The following ZNF138 variants were observed in gnomAD, a reference collection of about 807,000 sequenced individuals.
The protein encoded by ZNF138 is zinc finger protein 138 (clone pHZ-32).
In ZNF138, 33 loss-of-function variants were observed where a neutral mutation model predicts 33.0. The observed-to-expected ratio is 1.00, with a 90% CI of 0.76 to 1.34. The LOEUF is 1.34. Ranked by LOEUF, ZNF138 falls within the 40% of genes most tolerant of loss-of-function variation. The pLI is 0.00. For missense variants in ZNF138, 360 were observed against 370.8 expected, an observed-to-expected ratio of 0.97 and a Z score of 0.24; for synonymous variants, 139 against 120.4, an observed-to-expected ratio of 1.15 and a Z score of -1.01.
At chr7:64,828,949 A>G (rs2129014449) in intron 3 of ZNF138, among the ~76,000 whole-genome samples, 1 of 152,252 alleles carries the variant, frequency 6.6e-6, no homozygotes, top group East Asian at 1.9e-4. Flanking sequence ...AACACTTATT[A>G]TTTCAACCTT....
chr7:64,843,680 G>A, the ZNF138 span, among the ~76,000 whole-genome samples: 3 of 120,740 alleles, frequency 2.5e-5, no homozygotes, highest in Non-Finnish European at 5.3e-5. Flanking sequence ...CTTGTCACAT[G>A]AATGATTTGC....
intron 1 of ZNF138, among the ~76,000 whole-genome samples, chr7:64,810,066 C>CA (rs1321480533): frequency 1.2e-5 from 1 of 80,518 alleles, no homozygotes; most frequent in African/African-American, 4.8e-5. Flanking sequence ...GGCGGCCGGG[C>CA]AGAGGCTGCA....
At chr7:64,794,883 G>A (rs1000858292) in intron 1 of ZNF138, among the ~76,000 whole-genome samples, 6 of 152,144 alleles carry the variant, frequency 3.9e-5, no homozygotes, top group Non-Finnish European at 7.4e-5. Flanking sequence ...ATCCTGACTC[G>A]GGGTGCTGGG....
intron 3 of ZNF138, among the ~76,000 whole-genome samples, chr7:64,824,193 A>G (rs148972261): frequency 5.9e-5 from 9 of 152,290 alleles, no homozygotes; most frequent in African/African-American, 1.7e-4. Flanking sequence ...GAATGGCGTG[A>G]CACCATCCTC....
intron 3 of ZNF138, among the ~76,000 whole-genome samples, chr7:64,825,386 A>C (rs1470537543): frequency 1.3e-5 from 2 of 150,950 alleles, no homozygotes; most frequent in South Asian, 4.2e-4. Context: ...GTTAGCCAGG[A>C]TGGTCTGGAT....
At chr7:64,801,108 A>C (rs761630859) in intron 1 of ZNF138, among the ~76,000 whole-genome samples, 1 of 151,950 alleles carries the variant, frequency 6.6e-6, no homozygotes, top group Non-Finnish European at 1.5e-5. Context: ...TAATTTTTTT[A>C]ATAGATTTAA....
chr7:64,801,530 T>C (rs1284202932), intron 1 of ZNF138, among the ~76,000 whole-genome samples: 1 of 152,176 alleles, frequency 6.6e-6, no homozygotes, highest in Non-Finnish European at 1.5e-5. Flanking sequence ...AGTATGTGGT[T>C]GGTATAATTT....
chr7:64,844,950 G>C, the ZNF138 span, among the ~76,000 whole-genome samples: 55,182 of 152,168 alleles, frequency 0.36, 10,837 homozygotes, highest in South Asian at 0.47. Flanking sequence ...CTCCCAAAGT[G>C]TTGGGATTAC....
At chr7:64,825,745 G>A (rs1366279740) in intron 3 of ZNF138, among the ~76,000 whole-genome samples, 1 of 149,904 alleles carries the variant, frequency 6.7e-6, no homozygotes, top group Non-Finnish European at 1.5e-5. Flanking sequence ...TCACTATGTT[G>A]GCCAGATGGT....
At chr7:64,834,974 C>T (rs1002318874), downstream of ZNF138, among the ~76,000 whole-genome samples, 5 of 152,170 alleles carry the variant, frequency 3.3e-5, no homozygotes, top group South Asian at 2.1e-4. Flanking sequence ...ATTGAGCTCT[C>T]GGGCGAGGTT....
the ZNF138 span, among the ~76,000 whole-genome samples, chr7:64,847,914 G>C: frequency 2.0e-5 from 3 of 151,000 alleles, no homozygotes; most frequent in African/African-American, 7.3e-5. Flanking sequence ...CCTGTATACT[G>C]TTTTTTTTTA....
At chr7:64,858,475 G>A in the ZNF138 span, among the ~76,000 whole-genome samples, 1 of 152,180 alleles carries the variant, frequency 6.6e-6, no homozygotes, top group Admixed American at 6.5e-5. Flanking sequence ...ATTTTGCTAA[G>A]CCTCTGAAAT....
intron 3 of ZNF138, among the ~76,000 whole-genome samples, chr7:64,816,281 A>G (rs1788629369): frequency 6.6e-6 from 1 of 152,118 alleles, no homozygotes; most frequent in Non-Finnish European, 1.5e-5. Context: ...GAATTTGTAG[A>G]TCACTTTGGA....
the ZNF138 span, chr7:64,852,679 C>T: frequency 1.5e-6 from 2 of 1,327,718 alleles, no homozygotes; most frequent in Non-Finnish European, 2.2e-6. Flanking sequence ...CTTGGGTGAC[C>T]ACTAGTTTAA....
downstream of ZNF138, among the ~76,000 whole-genome samples, chr7:64,837,241 G>A (rs1304347050): frequency 1.3e-5 from 2 of 152,160 alleles, no homozygotes; most frequent in East Asian, 1.9e-4. Context: ...GGGAAGGCCT[G>A]TAAGTTTAGC....
At chr7:64,816,129 AT>A (rs1190575353) in intron 3 of ZNF138, among the ~76,000 whole-genome samples, 26 of 150,578 alleles carry the variant, frequency 1.7e-4, no homozygotes, top group Non-Finnish European at 3.0e-5. Context: ...AAATTATGAA[AT>A]ATGATGTCCC....
the ZNF138 span, among the ~76,000 whole-genome samples, chr7:64,844,964 C>T: frequency 2.0e-5 from 3 of 152,324 alleles, no homozygotes; most frequent in East Asian, 1.9e-4. Context: ...GGATTACAGG[C>T]GTGAGCCACC....
At chr7:64,804,431 C>T (rs1210905823) in intron 1 of ZNF138, among the ~76,000 whole-genome samples, 1 of 152,128 alleles carries the variant, frequency 6.6e-6, no homozygotes, top group African/African-American at 2.4e-5. Flanking sequence ...ACTCGGGGAG[C>T]TCAGTTGTTT....
rs796601456 is a variant in ZNF138 at position 64,821,897 on chromosome 7, G to A, written c.208+6244G>A. Among the ~76,000 whole-genome samples, 9 of 144,144 alleles carry A rather than the reference G, an allele frequency of 6.2e-5. 1 individual carries two copies. The highest frequency in any genetic ancestry group is 2.4e-4 in the African/African-American group (9 of 38,210). The allele number at this position is 144,144 out of a possible 152,430, so 94.6% of individuals were successfully genotyped here. ...ATTCTGAATATAACTCCTATCACATGTGATTTGCAAATATTGTCTTTTTTT... is the reference window on the plus strand; with the variant it reads ...ATTCTGAATATAACTCCTATCACATATGATTTGCAAATATTGTCTTTTTTT... On this transcript the variant is annotated intron_variant, in intron 3 of 3. Transcript: ENST00000307355.
Sources: allele counts gnomAD v4.1 joint callset (sites outside exome capture counted in the v4.1 genomes callset), GRCh38; gene constraint gnomAD v4.1.1; transcripts MANE v1.5; gene names NCBI Gene and HGNC (gene_info 2026-07-23, HGNC 2026-07-21).